Variants in LAMA2 observed in about 807,000 individuals in gnomAD.
The protein encoded by LAMA2 is laminin subunit alpha 2.
A neutral mutation model predicts 364.8 loss-of-function variants in LAMA2; 269 were observed. That is an observed-to-expected ratio of 0.74 (90% CI 0.67 to 0.82). The LOEUF (loss-of-function observed/expected upper bound fraction) is 0.82. Among genes scored for constraint, LAMA2 ranks in the 40% least tolerant of loss-of-function variants. The probability of loss-of-function intolerance (pLI) is 0.00; values close to 1 mark genes in which losing one functional copy is unlikely to be tolerated. For synonymous variants in LAMA2, 1,379 were observed against 1,370.6 expected, an observed-to-expected ratio of 1.01 and a Z score of -0.14; for missense variants, 3,807 against 3,873.2, an observed-to-expected ratio of 0.98 and a Z score of 0.45.
At chr6:129,080,777 G>A (rs1435035440) in intron 3 of LAMA2, among the ~76,000 whole-genome samples, 4 of 152,148 alleles carry the variant, frequency 2.6e-5, no homozygotes, top group Non-Finnish European at 5.9e-5. Context: ...AAATAGGAAT[G>A]CTTTTACACC....
chr6:128,960,934 C>A (rs1259283027), intron 1 of LAMA2, among the ~76,000 whole-genome samples: 3 of 151,756 alleles, frequency 2.0e-5, no homozygotes, highest in South Asian at 2.1e-4. Context: ...ATGGGAGATA[C>A]AAAATTTCTG....
At chr6:129,406,134 T>G (rs1259783376) in intron 40 of LAMA2, among the ~76,000 whole-genome samples, 1 of 152,060 alleles carries the variant, frequency 6.6e-6, no homozygotes, top group African/African-American at 2.4e-5. Flanking sequence ...AGAAATAACC[T>G]CCAAGCATAA....
At chr6:129,346,160 C>T (rs186026076) in intron 30 of LAMA2, among the ~76,000 whole-genome samples, 72 of 152,254 alleles carry the variant, frequency 4.7e-4, no homozygotes, top group Non-Finnish European at 9.3e-4. Flanking sequence ...TAGAAGTTTC[C>T]AGTGCCTTCC....
intron 28 of LAMA2, among the ~76,000 whole-genome samples, chr6:129,321,486 C>T (rs930030422): frequency 6.6e-6 from 1 of 152,134 alleles, no homozygotes; most frequent in African/African-American, 2.4e-5. Flanking sequence ...TGCATGGGGC[C>T]TCCAGGACTG....
intron 15 of LAMA2, among the ~76,000 whole-genome samples, chr6:129,265,392 A>C (rs959788169): frequency 2.4e-4 from 37 of 152,284 alleles, no homozygotes; most frequent in African/African-American, 8.2e-4. Flanking sequence ...ACAAAACAAA[A>C]AAACTTATTA....
chr6:128,947,885 G>A (rs9492149), intron 1 of LAMA2, among the ~76,000 whole-genome samples: 12,527 of 151,996 alleles, frequency 0.082, 977 homozygotes, highest in African/African-American at 0.2. Flanking sequence ...AAAATGGAAG[G>A]GAGACGATAA....
At chr6:129,435,593 G>T (rs923943089) in intron 41 of LAMA2, among the ~76,000 whole-genome samples, 4 of 152,112 alleles carry the variant, frequency 2.6e-5, no homozygotes, top group African/African-American at 9.7e-5. Flanking sequence ...TGCTTTGCTG[G>T]AATATTTTAT....
At chr6:129,347,234 T>C (rs1273297595) in intron 30 of LAMA2, among the ~76,000 whole-genome samples, 1 of 152,074 alleles carries the variant, frequency 6.6e-6, no homozygotes, top group African/African-American at 2.4e-5. Context: ...GTTGACACCA[T>C]GGTTTTTGGC....
chr6:129,053,789 A>G (rs1047697382), intron 2 of LAMA2, among the ~76,000 whole-genome samples: 1 of 152,226 alleles, frequency 6.6e-6, no homozygotes, highest in Admixed American at 6.5e-5. Flanking sequence ...ATGAATGATG[A>G]AGAAGAAGAG....
chr6:129,507,433 T>C, intron 61 of LAMA2, 56 bp from the exon 62 acceptor site: 1 of 1,588,978 alleles, frequency 6.3e-7, no homozygotes, highest in Non-Finnish European at 8.6e-7. Flanking sequence ...GTATTCTACA[T>C]AAAGGCAAAG....
intron 25 of LAMA2, 37 bp downstream of exon 25, chr6:129,315,692 A>T: frequency 6.2e-7 from 1 of 1,611,982 alleles, no homozygotes; most frequent in East Asian, 2.2e-5. Flanking sequence ...TGAGAACAAG[A>T]TAAAATCTTT....
At chr6:129,172,868 C>G (rs1361960446) in intron 9 of LAMA2, among the ~76,000 whole-genome samples, 1 of 152,272 alleles carries the variant, frequency 6.6e-6, no homozygotes, top group Non-Finnish European at 1.5e-5. Context: ...AGGATATAAT[C>G]TCATGGTTCA....
intron 32 of LAMA2, among the ~76,000 whole-genome samples, chr6:129,361,507 C>T (rs189430271): frequency 2.0e-5 from 3 of 152,224 alleles, no homozygotes; most frequent in Non-Finnish European, 2.9e-5. Context: ...TCCACTGTCA[C>T]GCCTAGGGGC....
intron 1 of LAMA2, among the ~76,000 whole-genome samples, chr6:128,892,187 A>C (rs2114387423): frequency 6.6e-6 from 1 of 152,182 alleles, no homozygotes; most frequent in Non-Finnish European, 1.5e-5. Flanking sequence ...GGAGACCCTA[A>C]GAGACTATAG....
chr6:128,955,931 A>C (rs1781116781), intron 1 of LAMA2, among the ~76,000 whole-genome samples: 1 of 151,962 alleles, frequency 6.6e-6, no homozygotes, highest in African/African-American at 2.4e-5. Context: ...GTATGCAAAA[A>C]CATTCAGTAA....
chr6:129,120,953 C>T (rs1171734697), intron 4 of LAMA2, among the ~76,000 whole-genome samples: 1 of 152,110 alleles, frequency 6.6e-6, no homozygotes, highest in Non-Finnish European at 1.5e-5. Context: ...ATTTTTAAGC[C>T]ACATGAATCA....
chr6:129,462,818 T>A (rs1316741611), intron 49 of LAMA2, among the ~76,000 whole-genome samples: 1 of 151,976 alleles, frequency 6.6e-6, no homozygotes, highest in Non-Finnish European at 1.5e-5. Flanking sequence ...AGAGCAATCA[T>A]TCCTACTAAA....
In LAMA2 at chr6:129,514,528, C is replaced by G. The variant is rs1786873852; in HGVS notation, c.9144C>G (p.Ala3048=). 9 of 1,614,098 alleles carry G rather than the reference C, an allele frequency of 5.6e-6. No individual in the cohort carries two copies. The highest frequency in any genetic ancestry group is 7.6e-6 in the Non-Finnish European group (9 of 1,179,990). Residue 3048 remains alanine, a synonymous_variant, in exon 64 of 65, where the codon GCC becomes GCG. Coordinates refer to ENST00000421865, the MANE Select transcript of LAMA2 (RefSeq NM_000426.4). ...CAGTCGATGGGAACCAGGTGGAAGCCCAAAGCCCAAACCCAGCATCTACAT... is the reference window on the plus strand; with the variant it reads ...CAGTCGATGGGAACCAGGTGGAAGCGCAAAGCCCAAACCCAGCATCTACAT... ...ELTVDGNQVE[A]QSPNPASTSA...
chr6:129,325,496 A>G (rs1307763798), intron 28 of LAMA2, among the ~76,000 whole-genome samples: 1 of 152,104 alleles, frequency 6.6e-6, no homozygotes, highest in Non-Finnish European at 1.5e-5. Flanking sequence ...AAATTGAAAG[A>G]ATAGTGCAAA....
Sources: allele counts gnomAD v4.1 joint callset (sites outside exome capture counted in the v4.1 genomes callset), GRCh38; gene constraint gnomAD v4.1.1; transcripts MANE v1.5; gene names NCBI Gene and HGNC (gene_info 2026-07-23, HGNC 2026-07-21).